The following EPS15 variants were observed in gnomAD, a reference collection of about 807,000 sequenced individuals.
EPS15 encodes epidermal growth factor receptor substrate 15.
Under a neutral mutation model 113.8 loss-of-function variants are expected in EPS15, and 72 were observed. The observed-to-expected ratio is 0.63, with a 90% CI of 0.52 to 0.77. EPS15 has a LOEUF of 0.77. Ranked by LOEUF, EPS15 falls within the 30% of genes least tolerant of loss-of-function variation. EPS15 has a pLI of 0.00. For synonymous variants in EPS15, 344 were observed against 363.4 expected (o/e 0.95, Z 0.61); for missense variants, 1,048 against 1,045.8 (o/e 1.00, Z -0.03).
At chr1:51,357,920 G>A (rs1407704777) in intron 24 of EPS15, among the ~76,000 whole-genome samples, 1 of 151,924 alleles carries the variant, frequency 6.6e-6, no homozygotes, top group Non-Finnish European at 1.5e-5. Context: ...TGTATTTTTA[G>A]TAGAGATAGG....
intron 12 of EPS15, chr1:51,423,482 C>T: frequency 1.0e-6 from 1 of 985,394 alleles, no homozygotes; most frequent in Non-Finnish European, 1.2e-6. Context: ...TTCAGTCTTG[C>T]TGCAGCATGT....
At chr1:51,430,937 C>T (rs936281867) in intron 12 of EPS15, among the ~76,000 whole-genome samples, 1 of 150,502 alleles carries the variant, frequency 6.6e-6, no homozygotes, top group Non-Finnish European at 1.5e-5. Flanking sequence ...CCAGCCTGGG[C>T]AGCAGAGCCT....
chr1:51,507,185 T>C (rs1250907201), intron 1 of EPS15, among the ~76,000 whole-genome samples: 2 of 152,202 alleles, frequency 1.3e-5, no homozygotes, highest in Admixed American at 1.3e-4. Context: ...GTACCACATA[T>C]AACTCTACAG....
intron 12 of EPS15, among the ~76,000 whole-genome samples, chr1:51,438,833 T>C (rs17106577): frequency 0.053 from 8,062 of 152,176 alleles, 691 homozygotes; most frequent in African/African-American, 0.18. Flanking sequence ...TTGATACCAA[T>C]ACTGTCTCTT....
At chr1:51,509,596 C>G (rs779028265) in intron 1 of EPS15, among the ~76,000 whole-genome samples, 1 of 152,106 alleles carries the variant, frequency 6.6e-6, no homozygotes, top group Non-Finnish European at 1.5e-5. Context: ...TGTAGAAACT[C>G]CAAGTCCAAA....
At chr1:51,475,070 C>T (rs904763439) in intron 2 of EPS15, among the ~76,000 whole-genome samples, 1 of 152,122 alleles carries the variant, frequency 6.6e-6, no homozygotes, top group Non-Finnish European at 1.5e-5. Flanking sequence ...TTTTCTTAAT[C>T]CAGTCTATCA....
intron 1 of EPS15, among the ~76,000 whole-genome samples, chr1:51,510,419 T>C (rs1159026313): frequency 6.6e-6 from 1 of 152,240 alleles, no homozygotes; most frequent in African/African-American, 2.4e-5. Context: ...AGAAGATTAA[T>C]GCCTACTTGT....
intron 20 of EPS15, among the ~76,000 whole-genome samples, chr1:51,394,683 T>G (rs978771255): frequency 2.0e-5 from 3 of 152,200 alleles, no homozygotes; most frequent in Admixed American, 6.5e-5. Flanking sequence ...ATGAAACAGA[T>G]CTATGGTTTA....
intron 12 of EPS15, among the ~76,000 whole-genome samples, chr1:51,430,973 T>TACATAC (rs1236646668): frequency 2.5e-4 from 19 of 74,518 alleles, no homozygotes; most frequent in Non-Finnish European, 4.0e-4. Context: ...ATACATTACT[T>TACATAC]ACATACACAC....
intron 12 of EPS15, among the ~76,000 whole-genome samples, chr1:51,434,389 T>C (rs1450733748): frequency 6.6e-6 from 1 of 152,164 alleles, no homozygotes; most frequent in African/African-American, 2.4e-5. Context: ...TTCTGACATA[T>C]GCCACAACAC....
chr1:51,430,908 A>C (rs572350160), intron 12 of EPS15, among the ~76,000 whole-genome samples: 1 of 151,712 alleles, frequency 6.6e-6, no homozygotes, highest in South Asian at 2.1e-4. Context: ...AAAGTGACCC[A>C]TGATCACGCC....
chr1:51,497,993 TA>T (rs1644354700), intron 1 of EPS15, among the ~76,000 whole-genome samples: 1 of 148,278 alleles, frequency 6.7e-6, no homozygotes, highest in African/African-American at 2.5e-5. Flanking sequence ...AAAAAAAAAC[TA>T]GTGTGTATTG....
At chr1:51,511,889 T>G (rs990922522) in intron 1 of EPS15, among the ~76,000 whole-genome samples, 1 of 152,252 alleles carries the variant, frequency 6.6e-6, no homozygotes, top group East Asian at 1.9e-4. Flanking sequence ...CCTGGTACTG[T>G]TATATTCCCA....
chr1:51,460,505 T>C (rs1448267575), intron 8 of EPS15, among the ~76,000 whole-genome samples: 2 of 152,210 alleles, frequency 1.3e-5, no homozygotes, highest in Non-Finnish European at 1.5e-5. Context: ...GGTACTAAGA[T>C]ACCTGGTCAG....
Position 51,356,274 on chromosome 1 carries a change from A to C in EPS15, c.*426T>G, listed in dbSNP as rs41292519. The C allele has an allele frequency of 6.4e-4, 145 of 225,264 alleles. No homozygotes were observed. The highest frequency in any genetic ancestry group is 1.3e-3 in the Middle Eastern group (1 of 750). The allele number at this position is 225,264 out of a possible 1,614,324, so 14.0% of individuals were successfully genotyped here. A position where few individuals can be genotyped will look rare whatever the true frequency, so the allele number is the denominator to read the frequency against. On this transcript the variant is annotated 3_prime_UTR_variant, in exon 25 of 25. Coordinates refer to ENST00000371733, the MANE Select transcript of EPS15 (RefSeq NM_001981.3). ...GATATTCTTTCCCTTACCCTCACTC[A>C]ACCATTCCAATCAGGGGAGAATACT...
At chr1:51,446,599 G>T (rs1028795626) in intron 10 of EPS15, among the ~76,000 whole-genome samples, 1 of 151,856 alleles carries the variant, frequency 6.6e-6, no homozygotes, top group East Asian at 1.9e-4. Context: ...AACTACAGGC[G>T]CACACCACCA....
intron 13 of EPS15, among the ~76,000 whole-genome samples, chr1:51,416,159 T>C (rs913435682): frequency 6.6e-6 from 1 of 152,130 alleles, no homozygotes; most frequent in Non-Finnish European, 1.5e-5. Context: ...TAACAAACAG[T>C]GTCTTCTGCT....
chr1:51,409,364 G>A (rs1183285844), intron 14 of EPS15, among the ~76,000 whole-genome samples, 171 bp downstream of exon 14: 4 of 152,168 alleles, frequency 2.6e-5, no homozygotes, highest in African/African-American at 9.7e-5. Flanking sequence ...TTCCTCTAAA[G>A]AAGGCCTGTA....
chr1:51,378,331 C>T (rs1250906763), intron 21 of EPS15, among the ~76,000 whole-genome samples: 2 of 151,902 alleles, frequency 1.3e-5, no homozygotes, highest in Non-Finnish European at 2.9e-5. Flanking sequence ...TCTTTTATTG[C>T]AATATTTGCT....
Sources: gnomAD v4.1 joint callset for allele counts (sites outside exome capture counted in the v4.1 genomes callset) on GRCh38, gnomAD v4.1.1 for gene constraint, MANE v1.5 for transcripts, NCBI Gene and HGNC (gene_info 2026-07-23, HGNC 2026-07-21) for gene names.